Variants in FAM241A observed in about 807,000 individuals in gnomAD.
FAM241A encodes family with sequence similarity 241 member A.
FAM241A carries 7 observed loss-of-function variants against 12.2 expected under a neutral mutation model. The observed-to-expected ratio is 0.58, with a 90% CI of 0.33 to 1.08. FAM241A has a LOEUF of 1.08. Ranked by LOEUF, FAM241A falls within the 50% of genes least tolerant of loss-of-function variation. The pLI is 0.04. For missense variants in FAM241A, 161 were observed against 169.7 expected (o/e 0.95, Z 0.29); for synonymous variants, 74 against 68.2 (o/e 1.08, Z -0.42).
rs573728494 is a variant in FAM241A at position 112,179,547 on chromosome 4, G to C, written c.154-7146G>C. On this transcript the variant is annotated intron_variant, in intron 1 of 1. Coordinates refer to ENST00000309733, the MANE Select transcript of FAM241A (RefSeq NM_152400.3). ...CACAGGAAGGGGAACATCACACACA[G>C]GGGCCTGTAGTGGGGTGGGGAGAAG... is the stretch of plus-strand genomic sequence containing the variant. Among the ~76,000 whole-genome samples the C allele has an allele frequency of 5.3e-5, 8 of 152,096 alleles. No homozygotes were observed. The South Asian group carries it at 1.7e-3, about 32-fold the overall frequency.
Position 112,192,976 on chromosome 4 carries a change from G to T in FAM241A, c.*6038G>T, listed in dbSNP as rs1338350824. 1 of 148,568 alleles carries T rather than the reference G, an allele frequency of 6.7e-6. No individual in the cohort carries two copies. Among genetic ancestry groups the T allele is most frequent in the Non-Finnish European group, 1.5e-5 (1 of 66,540 alleles). The allele number at this position is 148,568 out of a possible 1,614,324, so 9.2% of individuals were successfully genotyped here. ...ACAGTCCCACCAACAGTGTAAAAGT[G>T]TTCCTATTTCTCCACATCCTCTCCA... On this transcript the variant is annotated 3_prime_UTR_variant, in exon 2 of 2. Coordinates refer to ENST00000309733, the MANE Select transcript of FAM241A (RefSeq NM_152400.3).
At position 112,188,977 on chromosome 4, in the gene FAM241A, A is replaced by G. The variant is rs1724102626; in HGVS notation, c.*2039A>G. ...ATATTTGGCTTTGATATGGGAAAAA[A>G]CAAACTTTGCCTATGTAATGGAAAT... On this transcript the variant is annotated 3_prime_UTR_variant, in exon 2 of 2. Coordinates refer to ENST00000309733, the MANE Select transcript of FAM241A (RefSeq NM_152400.3). 6.6e-6 allele frequency: 1 copy of G among 152,166 alleles called. No homozygotes were observed. Among genetic ancestry groups the G allele is most frequent in the South Asian group, 2.1e-4 (1 of 4,826 alleles). The allele number at this position is 152,166 out of a possible 1,614,324, so 9.4% of individuals were successfully genotyped here.
chr4:112,151,073 A>G (rs959598099), intron 1 of FAM241A, among the ~76,000 whole-genome samples: 2 of 152,212 alleles, frequency 1.3e-5, no homozygotes, highest in African/African-American at 2.4e-5. Context: ...CAAATCTCAT[A>G]CTGAAATGTG....
chr4:112,150,190 A>G (rs933090359), intron 1 of FAM241A, among the ~76,000 whole-genome samples: 1 of 152,050 alleles, frequency 6.6e-6, no homozygotes, highest in African/African-American at 2.4e-5. Flanking sequence ...TAATCATTGA[A>G]TAATGTACTT....
At chr4:112,162,768 C>G (rs374320603) in intron 1 of FAM241A, among the ~76,000 whole-genome samples, 13 of 152,302 alleles carry the variant, frequency 8.5e-5, no homozygotes, top group Admixed American at 5.9e-4. Flanking sequence ...CCATCCCCAT[C>G]AAGCTACCAA....
intron 1 of FAM241A, among the ~76,000 whole-genome samples, chr4:112,169,203 T>A (rs868116466): frequency 6.6e-6 from 1 of 152,174 alleles, no homozygotes; most frequent in Admixed American, 6.5e-5. Flanking sequence ...ATCAGTGATA[T>A]ACTCAATGTT....
intron 1 of FAM241A, among the ~76,000 whole-genome samples, chr4:112,155,510 TATAATG>T (rs1419235785): frequency 1.3e-5 from 2 of 151,734 alleles, no homozygotes; most frequent in African/African-American, 4.8e-5. Context: ...ACAAACAAGT[TATAATG>T]ATAAGTTATA....
chr4:112,152,972 C>T (rs973890151), intron 1 of FAM241A, among the ~76,000 whole-genome samples: 3 of 152,110 alleles, frequency 2.0e-5, no homozygotes, highest in Non-Finnish European at 4.4e-5. Flanking sequence ...CTTATTTCTC[C>T]CTCACCTTTT....
At chr4:112,162,147 A>G (rs942821087) in intron 1 of FAM241A, among the ~76,000 whole-genome samples, 12 of 152,252 alleles carry the variant, frequency 7.9e-5, no homozygotes, top group African/African-American at 2.7e-4. Context: ...TTAGGTATTG[A>G]TGGGACGTAT....
rs562338448 is a variant in FAM241A at position 112,178,347 on chromosome 4, CTT to C, written c.154-8343_154-8342del. 1.6e-4 allele frequency among the ~76,000 whole-genome samples: 25 copies of C among 152,236 alleles called. No homozygotes were observed. In the South Asian group the frequency reaches 5.2e-3, roughly 32 times the overall value. On this transcript the variant is annotated intron_variant, in intron 1 of 1. Transcript: ENST00000309733. Reference sequence around the variant, plus strand: ...CACATGGGTTCTTAAATACAGAGAACTTTTAATTTGTCTTGACTTAATTCTTG... The same window carrying C: ...CACATGGGTTCTTAAATACAGAGAACTTAATTTGTCTTGACTTAATTCTTG...
chr4:112,151,464 G>T (rs907897268), intron 1 of FAM241A, among the ~76,000 whole-genome samples: 1 of 152,164 alleles, frequency 6.6e-6, no homozygotes, highest in African/African-American at 2.4e-5. Flanking sequence ...AATGGAAACT[G>T]ACACAAGTAT....
Position 112,189,432 on chromosome 4 carries a change from A to T in FAM241A, c.*2494A>T, listed in dbSNP as rs948280172. On this transcript the variant is annotated 3_prime_UTR_variant, in exon 2 of 2. Coordinates refer to ENST00000309733, the MANE Select transcript of FAM241A (RefSeq NM_152400.3). ...ATGATTCTCATCATTTCAATCTCAA[A>T]TACAAGCCAGTTTTAGAAACTGTTA... is the stretch of plus-strand genomic sequence containing the variant. The T allele has an allele frequency of 1.3e-5, 2 of 152,164 alleles. No individual in the cohort carries two copies. The highest frequency in any genetic ancestry group is 2.1e-4 in the South Asian group (1 of 4,816). 9.4% of individuals were successfully genotyped at this position (152,164 alleles called of 1,614,324 possible). A position where few individuals can be genotyped will look rare whatever the true frequency, so the allele number is the denominator to read the frequency against.
rs1286640101 is a variant in FAM241A, at chr4:112,192,927, C to A, written c.*5989C>A. 1 of 149,906 alleles carries A rather than the reference C, an allele frequency of 6.7e-6. No homozygotes were observed. The highest frequency in any genetic ancestry group is 1.5e-5 in the Non-Finnish European group (1 of 67,034). 9.3% of individuals were successfully genotyped at this position (149,906 alleles called of 1,614,324 possible). A position where few individuals can be genotyped will look rare whatever the true frequency, so the allele number is the denominator to read the frequency against. ...GATTCCTGAGGAATCGCCACACTGA[C>A]TTCCACAATGGTTGAACTAGTTTAC... On this transcript the variant is annotated 3_prime_UTR_variant, in exon 2 of 2. Transcript: ENST00000309733.
At position 112,190,877 on chromosome 4, in the gene FAM241A, T is replaced by C. The variant is rs917852300; in HGVS notation, c.*3939T>C. ...TGGAGTTCAGTCCAACAGCCTGCTCTCACATCACTCCACACAGCAGCTCGG... is the reference window on the plus strand; with the variant it reads ...TGGAGTTCAGTCCAACAGCCTGCTCCCACATCACTCCACACAGCAGCTCGG... On this transcript the variant is annotated 3_prime_UTR_variant, in exon 2 of 2. Transcript: ENST00000309733. 2 of 151,424 alleles carry C rather than the reference T, an allele frequency of 1.3e-5. No homozygotes were observed. Among genetic ancestry groups the C allele is most frequent in the Non-Finnish European group, 2.9e-5 (2 of 68,024 alleles). The allele number at this position is 151,424 out of a possible 1,614,324, so 9.4% of individuals were successfully genotyped here.
Position 112,188,848 on chromosome 4 carries a change from C to T in FAM241A, c.*1910C>T, listed in dbSNP as rs1423454150. The T allele has an allele frequency of 6.6e-6, 1 of 152,016 alleles. No homozygotes were observed. Among genetic ancestry groups the T allele is most frequent in the East Asian group, 1.9e-4 (1 of 5,192 alleles). 9.4% of individuals were successfully genotyped at this position (152,016 alleles called of 1,614,324 possible). On this transcript the variant is annotated 3_prime_UTR_variant, in exon 2 of 2. Coordinates refer to ENST00000309733, the MANE Select transcript of FAM241A (RefSeq NM_152400.3). ...TATTTAGTATACTGTCAGTACTGTA[C>T]ATCTGCACACTGGTGTTAATAGGGT... is the stretch of plus-strand genomic sequence containing the variant.
At chr4:112,163,822 G>A (rs7667292) in intron 1 of FAM241A, among the ~76,000 whole-genome samples, 86,257 of 152,108 alleles carry the variant, frequency 0.57, 26,068 homozygotes, top group East Asian at 0.82. Context: ...TCTATACCCA[G>A]AGGATTATAA....
chr4:112,149,195 A>T (rs1322837833), intron 1 of FAM241A, among the ~76,000 whole-genome samples: 1 of 151,886 alleles, frequency 6.6e-6, no homozygotes, highest in African/African-American at 2.4e-5. Context: ...TTTTTGAGAT[A>T]GGGTTTTGCT....
intron 1 of FAM241A, among the ~76,000 whole-genome samples, chr4:112,147,904 C>T (rs1432623409): frequency 6.6e-6 from 1 of 152,030 alleles, no homozygotes; most frequent in Non-Finnish European, 1.5e-5. Flanking sequence ...CTACTTGGCA[C>T]GCTCACTTCG....
In FAM241A at chr4:112,179,789, CAAATA is replaced by C. The variant is rs558154112; in HGVS notation, c.154-6896_154-6892del. Among the ~76,000 whole-genome samples the C allele has an allele frequency of 6.7e-3, 995 of 149,158 alleles. 3 individuals are homozygous for C. Among genetic ancestry groups the C allele is most frequent in the Non-Finnish European group, 0.012 (802 of 67,338 alleles). On this transcript the variant is annotated intron_variant, in intron 1 of 1. Coordinates refer to ENST00000309733, the MANE Select transcript of FAM241A (RefSeq NM_152400.3). ...GCAATCCTATTACTGCATATATACCCAAATAAAATAAATCGTTTTACCAAAAGACT... is the reference window on the plus strand; with the variant it reads ...GCAATCCTATTACTGCATATATACCCAAATAAATCGTTTTACCAAAAGACT...
Sources: gnomAD v4.1 joint callset for allele counts (sites outside exome capture counted in the v4.1 genomes callset) on GRCh38, gnomAD v4.1.1 for gene constraint, MANE v1.5 for transcripts, NCBI Gene and HGNC (gene_info 2026-07-23, HGNC 2026-07-21) for gene names.